Variants in PTPN3 observed in about 807,000 individuals in gnomAD.
The protein encoded by PTPN3 is protein tyrosine phosphatase non-receptor type 3, also known as tyrosine-protein phosphatase non-receptor type 3.
PTPN3 carries 96 observed loss-of-function variants against 132.7 expected under a neutral mutation model. The observed-to-expected ratio is 0.72, with a 90% CI of 0.61 to 0.86. The LOEUF is 0.86. Among genes scored for constraint, PTPN3 ranks in the 40% least tolerant of loss-of-function variants. The pLI, the probability that PTPN3 is intolerant of heterozygous loss-of-function variation, is 0.00. For missense variants in PTPN3, 1,125 were observed against 1,159.6 expected, an observed-to-expected ratio of 0.97 and a Z score of 0.43; for synonymous variants, 398 against 429.0, an observed-to-expected ratio of 0.93 and a Z score of 0.89.
At chr9:109,413,296 T>A (rs960348321) in intron 14 of PTPN3, among the ~76,000 whole-genome samples, 15 of 152,192 alleles carry the variant, frequency 9.9e-5, no homozygotes, top group Admixed American at 7.9e-4. Context: ...GGGTTACTCT[T>A]AGTCATTTAT....
At chr9:109,412,523 G>A (rs1473858230) in intron 14 of PTPN3, among the ~76,000 whole-genome samples, 1 of 152,010 alleles carries the variant, frequency 6.6e-6, no homozygotes, top group East Asian at 1.9e-4. Context: ...ACAGGTGCCC[G>A]CCACCACACC....
chr9:109,471,487 A>G (rs1186163511), intron 1 of PTPN3, among the ~76,000 whole-genome samples: 1 of 152,160 alleles, frequency 6.6e-6, no homozygotes, highest in Non-Finnish European at 1.5e-5. Context: ...TCTCCCCCTA[A>G]TAAGGGCATT....
the PTPN3 span, among the ~76,000 whole-genome samples, chr9:109,517,477 T>C: frequency 6.6e-6 from 1 of 152,166 alleles, no homozygotes; most frequent in Non-Finnish European, 1.5e-5. Context: ...TGCTATACCG[T>C]CCAAAGCGCC....
intron 1 of PTPN3, among the ~76,000 whole-genome samples, chr9:109,475,024 T>C (rs900084681): frequency 2.6e-5 from 4 of 152,178 alleles, no homozygotes; most frequent in Non-Finnish European, 5.9e-5. Flanking sequence ...AAAGGTTCAA[T>C]GGGTAGAAGA....
chr9:109,383,857 C>G (rs1395070986), intron 22 of PTPN3, among the ~76,000 whole-genome samples: 1 of 152,080 alleles, frequency 6.6e-6, no homozygotes, highest in African/African-American at 2.4e-5. Flanking sequence ...GGACCTTAGC[C>G]TGTGAGCAAC....
chr9:109,417,546 C>CTTTT, intron 14 of PTPN3: 1 of 665,798 alleles, frequency 1.5e-6, no homozygotes, highest in East Asian at 1.5e-4. Context: ...TTTTTTTTTT[C>CTTTT]TTTTTTTCTC....
chr9:109,433,352 TA>T (rs1309613471), intron 9 of PTPN3, among the ~76,000 whole-genome samples, 191 bp from the exon 10 acceptor site: 1 of 152,204 alleles, frequency 6.6e-6, no homozygotes, highest in Non-Finnish European at 1.5e-5. Flanking sequence ...CAAATTCTTC[TA>T]AAGTGAACAC....
chr9:109,496,914 T>TA (rs1361792560), intron 1 of PTPN3, among the ~76,000 whole-genome samples: 1 of 152,206 alleles, frequency 6.6e-6, no homozygotes, highest in East Asian at 1.9e-4. Flanking sequence ...AATAATCGCT[T>TA]AAAGTTGGAT....
rs1842971825 is a variant in PTPN3 at position 109,422,771 on chromosome 9, C to G, written c.1083G>C (p.Glu361Asp). The G allele has an allele frequency of 6.2e-7, 1 of 1,611,316 alleles. No individual in the cohort carries two copies. The highest frequency in any genetic ancestry group is 8.5e-7 in the Non-Finnish European group (1 of 1,177,698). ...AAGGCAGACTCTTGGTTTCTAAGTG[C>G]TCCACTGATAAGGATCTCCGCATGG... Reference protein sequence around the residue: ...NPAMRRSLSVEHLETKSLPSR... With the variant: ...NPAMRRSLSVDHLETKSLPSR... Residue 361 changes from glutamate (E) to aspartate (D), a missense_variant, in exon 13 of 26, where the codon GAG becomes GAC. Glu to Asp is a conservative substitution (Grantham distance 45). Transcript: ENST00000374541.
At chr9:109,487,484 C>T (rs1588504742) in intron 1 of PTPN3, among the ~76,000 whole-genome samples, 1 of 152,218 alleles carries the variant, frequency 6.6e-6, no homozygotes, top group East Asian at 1.9e-4. Context: ...CCGGCCTCAC[C>T]AGAGGCTCTG....
At chr9:109,391,871 G>GGGGGC (rs1840137203) in intron 19 of PTPN3, among the ~76,000 whole-genome samples, 1 of 16,458 alleles carries the variant, frequency 6.1e-5, no homozygotes, top group African/African-American at 2.1e-4. Context: ...AACTAGATGT[G>GGGGGC]GGGGGGGGGG....
chr9:109,413,904 T>C (rs1842273817), intron 14 of PTPN3, among the ~76,000 whole-genome samples: 2 of 151,980 alleles, frequency 1.3e-5, no homozygotes, highest in Admixed American at 1.3e-4. Flanking sequence ...CCCTAAACCC[T>C]AGAAAATTAA....
chr9:109,391,864 T>C, intron 19 of PTPN3, among the ~76,000 whole-genome samples: 1 of 32,194 alleles, frequency 3.1e-5, no homozygotes, highest in Non-Finnish European at 5.8e-5. Flanking sequence ...TAAAAGCAAC[T>C]AGATGTGGGG....
the PTPN3 span, among the ~76,000 whole-genome samples, chr9:109,511,125 T>C: frequency 6.6e-6 from 1 of 152,166 alleles, no homozygotes; most frequent in Non-Finnish European, 1.5e-5. Flanking sequence ...GACTATCCTA[T>C]GGGAGGTTCA....
chr9:109,534,663 G>A, the PTPN3 span, among the ~76,000 whole-genome samples: 2 of 149,192 alleles, frequency 1.3e-5, no homozygotes, highest in Admixed American at 6.7e-5. Flanking sequence ...ATACCTGGGC[G>A]TGGTAGCTTG....
rs910998308 is a variant in PTPN3, at chr9:109,432,123, T to C, written c.764+950A>G. Among the ~76,000 whole-genome samples, 6 of 150,140 alleles carry C rather than the reference T, an allele frequency of 4.0e-5. 1 individual carries two copies. Among genetic ancestry groups the C allele is most frequent in the African/African-American group, 9.7e-5 (4 of 41,080 alleles). On this transcript the variant is annotated intron_variant, in intron 10 of 25. Transcript: ENST00000374541. ...CTCATTAATATTATATATATTATTA[T>C]ATAATACTCCATAGTTTTACTTAAG...
At chr9:109,502,956 C>T (rs1203628449), upstream of PTPN3, among the ~76,000 whole-genome samples, 1 of 152,150 alleles carries the variant, frequency 6.6e-6, no homozygotes, top group African/African-American at 2.4e-5. Flanking sequence ...TGCAGAGAGG[C>T]AGGCTACAGA....
chr9:109,465,425 A>G (rs1379496205), intron 1 of PTPN3, among the ~76,000 whole-genome samples: 1 of 152,082 alleles, frequency 6.6e-6, no homozygotes. Flanking sequence ...AACATACAAA[A>G]CTAGCCAGGC....
chr9:109,392,831 T>A (rs981784101), intron 19 of PTPN3: 1 of 152,220 alleles, frequency 6.6e-6, no homozygotes, highest in African/African-American at 2.4e-5. Flanking sequence ...CTCAAACTCC[T>A]GACCTCAACT....
Sources: gnomAD v4.1 joint callset for allele counts (sites outside exome capture counted in the v4.1 genomes callset) on GRCh38, gnomAD v4.1.1 for gene constraint, MANE v1.5 for transcripts, NCBI Gene and HGNC (gene_info 2026-07-23, HGNC 2026-07-21) for gene names.